ELP4: variants seen among roughly 807,000 people sequenced by gnomAD.
ELP4 encodes elongator acetyltransferase complex subunit 4.
In ELP4, 51 loss-of-function variants were observed where a neutral mutation model predicts 48.9. The ratio of observed to expected loss-of-function variants is 1.04; its 90% CI spans 0.83 to 1.32. The LOEUF is 1.32. ELP4 is among the 40% of genes most tolerant of loss of function. The probability of loss-of-function intolerance (pLI) is 0.00; values close to 1 mark genes in which losing one functional copy is unlikely to be tolerated. For missense variants in ELP4, 519 were observed against 514.6 expected, an observed-to-expected ratio of 1.01 and a Z score of -0.08; for synonymous variants, 210 against 189.2, an observed-to-expected ratio of 1.11 and a Z score of -0.90.
At chr11:31,767,363 T>G (rs1398088055) in intron 9 of ELP4, 1 of 147,722 alleles carries the variant, frequency 6.8e-6, no homozygotes, top group East Asian at 2.0e-4. Flanking sequence ...CTTCTCTATT[T>G]TGAGGATCTT....
chr11:31,581,684 C>T (rs1034459861), intron 3 of ELP4, among the ~76,000 whole-genome samples: 3 of 151,912 alleles, frequency 2.0e-5, no homozygotes, highest in Non-Finnish European at 4.4e-5. Context: ...ATCTAAAATA[C>T]CCTATTTCAG....
At chr11:31,734,005 A>G (rs1022295736) in intron 9 of ELP4, among the ~76,000 whole-genome samples, 1 of 152,224 alleles carries the variant, frequency 6.6e-6, no homozygotes, top group African/African-American at 2.4e-5. Flanking sequence ...AACACAGTAA[A>G]AGAATCATAC....
intron 9 of ELP4, among the ~76,000 whole-genome samples, chr11:31,695,338 C>A (rs967003017): frequency 6.6e-6 from 1 of 152,076 alleles, no homozygotes; most frequent in Non-Finnish European, 1.5e-5. Flanking sequence ...CCCATCAATA[C>A]CTAATTTATC....
chr11:31,692,011 T>C (rs1392794057), intron 9 of ELP4, among the ~76,000 whole-genome samples: 1 of 152,184 alleles, frequency 6.6e-6, no homozygotes, highest in Non-Finnish European at 1.5e-5. Context: ...CAACTAAGGA[T>C]TTAAGCATTT....
At chr11:31,753,170 T>C (rs1947764168) in intron 9 of ELP4, among the ~76,000 whole-genome samples, 3 of 152,216 alleles carry the variant, frequency 2.0e-5, no homozygotes, top group Non-Finnish European at 4.4e-5. Flanking sequence ...TGATTATTTA[T>C]CAACTCATGT....
chr11:31,614,395 A>G (rs1438672639), intron 5 of ELP4, among the ~76,000 whole-genome samples: 1 of 152,164 alleles, frequency 6.6e-6, no homozygotes, highest in Non-Finnish European at 1.5e-5. Context: ...AGCCAGCCCA[A>G]AGGAGTTCTC....
chr11:31,662,703 G>A (rs1945589541), intron 9 of ELP4: 1 of 395,698 alleles, frequency 2.5e-6, no homozygotes, highest in Non-Finnish European at 4.5e-6. Context: ...TTAAAATTAA[G>A]CTTTATTTGA....
At chr11:31,732,274 T>C (rs530108193) in intron 9 of ELP4, among the ~76,000 whole-genome samples, 1 of 152,188 alleles carries the variant, frequency 6.6e-6, no homozygotes, top group Non-Finnish European at 1.5e-5. Flanking sequence ...CAAGATCTAC[T>C]TTGTGACATA....
chr11:31,691,665 A>G (rs1946284708), intron 9 of ELP4, among the ~76,000 whole-genome samples: 1 of 152,168 alleles, frequency 6.6e-6, no homozygotes, highest in African/African-American at 2.4e-5. Flanking sequence ...AATGGTACAT[A>G]TGTTTACACT....
At chr11:31,516,031 T>A (rs904271380) in intron 1 of ELP4, among the ~76,000 whole-genome samples, 1 of 151,486 alleles carries the variant, frequency 6.6e-6, no homozygotes, top group African/African-American at 2.4e-5. Context: ...GAATGGGGGG[T>A]GAAACCAGGA....
intron 8 of ELP4, chr11:31,648,995 T>C (rs1243338905): frequency 6.6e-6 from 1 of 151,750 alleles, no homozygotes; most frequent in Admixed American, 6.6e-5. Context: ...TTATTTCTAA[T>C]AAATATATTT....
chr11:31,546,656 C>G (rs1235537764), intron 3 of ELP4, among the ~76,000 whole-genome samples: 2 of 152,134 alleles, frequency 1.3e-5, no homozygotes, highest in African/African-American at 2.4e-5. Flanking sequence ...CTACAGAACT[C>G]TCCACCCCAA....
chr11:31,653,726 TA>T (rs1945371141), intron 9 of ELP4: 1 of 151,780 alleles, frequency 6.6e-6, no homozygotes, highest in Non-Finnish European at 1.5e-5. Context: ...AAATATGACA[TA>T]AGCTTCACCA....
At chr11:31,762,953 C>A (rs187325150) in intron 9 of ELP4, among the ~76,000 whole-genome samples, 1 of 151,788 alleles carries the variant, frequency 6.6e-6, no homozygotes, top group Admixed American at 6.6e-5. Context: ...TAGAAATGAG[C>A]AGTTTTCCCT....
At chr11:31,563,116 T>G (rs1957047690) in intron 3 of ELP4, among the ~76,000 whole-genome samples, 2 of 152,194 alleles carry the variant, frequency 1.3e-5, no homozygotes, top group African/African-American at 4.8e-5. Flanking sequence ...TAGTATTAAT[T>G]ATACAGTTAC....
At chr11:31,661,793 C>A (rs1445068977) in intron 9 of ELP4, among the ~76,000 whole-genome samples, 15 of 151,942 alleles carry the variant, frequency 9.9e-5, no homozygotes. Context: ...AAAATATCAG[C>A]TAATAAGATA....
chr11:31,682,651 CA>C (rs1946077818), intron 9 of ELP4, among the ~76,000 whole-genome samples: 2 of 152,002 alleles, frequency 1.3e-5, no homozygotes, highest in Non-Finnish European at 2.9e-5. Flanking sequence ...TGTGAATATA[CA>C]AATATGTATT....
chr11:31,629,078 T>A (rs770815959), intron 6 of ELP4, among the ~76,000 whole-genome samples: 20 of 152,054 alleles, frequency 1.3e-4, no homozygotes, highest in Admixed American at 2.0e-4. Context: ...ATAATTAGCC[T>A]TGGTAGTAAG....
chr11:31,739,720 T>C (rs1463003933), intron 9 of ELP4, among the ~76,000 whole-genome samples: 1 of 152,200 alleles, frequency 6.6e-6, no homozygotes. Context: ...TCATATACCA[T>C]ATGTTTACCT....
Sources: allele counts gnomAD v4.1 joint callset (sites outside exome capture counted in the v4.1 genomes callset), GRCh38; gene constraint gnomAD v4.1.1; transcripts MANE v1.5; gene names NCBI Gene and HGNC (gene_info 2026-07-23, HGNC 2026-07-21).